Variants in OTUD5 observed in about 807,000 individuals in gnomAD.
OTUD5 encodes the protein OTU deubiquitinase 5.
A neutral mutation model predicts 36.3 loss-of-function variants in OTUD5; 2 were observed. The ratio of observed to expected loss-of-function variants is 0.06; its 90% CI spans 0.02 to 0.17. OTUD5 has a LOEUF of 0.17. Ranked by LOEUF, OTUD5 falls within the 10% of genes least tolerant of loss-of-function variation. The probability of loss-of-function intolerance (pLI) is 1.00; values close to 1 mark genes in which losing one functional copy is unlikely to be tolerated. For missense variants in OTUD5, 233 were observed against 512.3 expected, an observed-to-expected ratio of 0.45 and a Z score of 5.26; for synonymous variants, 234 against 214.9, an observed-to-expected ratio of 1.09 and a Z score of -0.78.
chrX:48,951,029 A>G (rs1277433040), intron 1 of OTUD5, among the ~76,000 whole-genome samples: 1 of 108,557 alleles, frequency 9.2e-6, no homozygotes, highest in East Asian at 2.9e-4. Flanking sequence ...CCTGCCTACC[A>G]TCCTCCAGGG....
chrX:48,952,535 G>A (rs868952993), intron 1 of OTUD5, among the ~76,000 whole-genome samples: 1 of 112,417 alleles, frequency 8.9e-6, no homozygotes, highest in African/African-American at 3.2e-5. Flanking sequence ...CAAGGACGCT[G>A]AACACTGCTT....
At chrX:48,947,300 G>A (rs1367816116) in intron 1 of OTUD5, among the ~76,000 whole-genome samples, 3 of 110,602 alleles carry the variant, frequency 2.7e-5, no homozygotes, top group Admixed American at 9.6e-5. Flanking sequence ...GAGAAGAATC[G>A]CTTGAACCTG....
In OTUD5 at chrX:48,957,257, C is replaced by G. The variant is rs782695409; in HGVS notation, c.314G>C (p.Gly105Ala). ...PQQASPPPCG[G>A]PGGPGGGPGD... ...GGGACCGCCGCCGGGACCACCTGGG[C>G]CCCCGCAAGGAGGTGGAGAAGCCTG... Residue 105 changes from glycine (G) to alanine (A), a missense_variant, in exon 1 of 9, where the codon GGC (glycine) becomes GCC (alanine). Gly to Ala is a moderately conservative substitution (Grantham distance 60). Coordinates refer to ENST00000376488, the MANE Select transcript of OTUD5 (RefSeq NM_001136157.2). The G allele has an allele frequency of 2.0e-4, 224 of 1,099,551 alleles. 2 individuals carry two copies. Among genetic ancestry groups the G allele is most frequent in the Non-Finnish European group, 4.9e-5 (42 of 850,052 alleles). The allele number at this position is 1,099,551 out of a possible 1,213,427, so 90.6% of individuals were successfully genotyped here.
intron 2 of OTUD5, among the ~76,000 whole-genome samples, chrX:48,942,299 TACACACACACACACACAC>T (rs61325018): frequency 1.8e-5 from 1 of 55,018 alleles, no homozygotes; most frequent in African/African-American, 6.9e-5. Flanking sequence ...GCTAGCTAGA[TACACACACACACACACAC>T]ACACACACAC....
At position 48,935,111 on chromosome X, in the gene OTUD5, G is replaced by C. The variant is rs889255146; in HGVS notation, c.689-93C>G. On this transcript the variant is annotated intron_variant, in intron 2 of 8. Transcript: ENST00000376488. ...ATCCTTTGGGGAGGAGGAACTGGGG[G>C]ACCAGGGAAATTCCCTTTTCTACCC... 2.0e-5 allele frequency: 17 copies of C among 870,858 alleles called. No individual in the cohort carries two copies. The African/African-American group carries it at 3.2e-4, about 16-fold the overall frequency. 71.8% of individuals were successfully genotyped at this position (870,858 alleles called of 1,213,427 possible).
chrX:48,946,312 A>G (rs2064028781), intron 1 of OTUD5, among the ~76,000 whole-genome samples: 1 of 112,041 alleles, frequency 8.9e-6, no homozygotes, highest in Non-Finnish European at 1.9e-5. Context: ...GAGGAGTTTC[A>G]GGACCTAAAG....
At chrX:48,936,522 C>T (rs1204103989) in intron 2 of OTUD5, among the ~76,000 whole-genome samples, 3 of 111,368 alleles carry the variant, frequency 2.7e-5, no homozygotes, top group Middle Eastern at 4.2e-3. Context: ...GCCTGGATTA[C>T]AGGTGTGAGC....
At position 48,954,509 on chromosome X, in the gene OTUD5, C is replaced by T. The variant is rs1036031450; in HGVS notation, c.594+2468G>A. ...TAGAGGAGGAAAGAAACTACCCAACCAGAGAGAGAAGAAATAACTGGTCCT... is the reference window on the plus strand; with the variant it reads ...TAGAGGAGGAAAGAAACTACCCAACTAGAGAGAGAAGAAATAACTGGTCCT... On this transcript the variant is annotated intron_variant, in intron 1 of 8. Transcript: ENST00000376488. 2.7e-5 allele frequency among the ~76,000 whole-genome samples: 3 copies of T among 111,328 alleles called. No individual in the cohort carries two copies. The East Asian group carries it at 8.5e-4, about 31-fold the overall frequency.
intron 1 of OTUD5, among the ~76,000 whole-genome samples, chrX:48,949,651 C>A (rs2147661060): frequency 9.0e-6 from 1 of 110,938 alleles, no homozygotes; most frequent in Non-Finnish European, 1.9e-5. Flanking sequence ...GCACTCCAGC[C>A]TGGGTGACAC....
chrX:48,932,161 GATAATAATAATAATAATAATA>G (rs781824408), intron 5 of OTUD5, among the ~76,000 whole-genome samples: 1 of 88,822 alleles, frequency 1.1e-5, no homozygotes, highest in Non-Finnish European at 2.2e-5. Context: ...AAAAAAAGAT[GATAATAATAATAATAATAATA>G]ATAATAATAA....
At chrX:48,948,692 T>C (rs1333155849) in intron 1 of OTUD5, among the ~76,000 whole-genome samples, 1 of 109,519 alleles carries the variant, frequency 9.1e-6, no homozygotes. Flanking sequence ...CTTTCTCCTT[T>C]TGGGGAGAAA....
intron 5 of OTUD5, among the ~76,000 whole-genome samples, chrX:48,927,552 T>C (rs1274403484): frequency 2.7e-5 from 3 of 111,676 alleles, no homozygotes; most frequent in African/African-American, 9.8e-5. Context: ...CAGTTTATTA[T>C]AGAGAAAATT....
At chrX:48,952,453 G>A (rs1557054168) in intron 1 of OTUD5, among the ~76,000 whole-genome samples, 4 of 112,412 alleles carry the variant, frequency 3.6e-5, no homozygotes, top group African/African-American at 1.3e-4. Flanking sequence ...TCAAAGAGGT[G>A]AATAGTATGG....
rs782105843 is a variant in OTUD5 at position 48,957,236 on chromosome X, C to G, written c.335G>C (p.Gly112Ala). 85 of 1,091,667 alleles carry G rather than the reference C, an allele frequency of 7.8e-5. No homozygotes were observed. In the African/African-American group the frequency reaches 1.6e-3, roughly 20 times the overall value. The allele number at this position is 1,091,667 out of a possible 1,213,427, so 90.0% of individuals were successfully genotyped here. ...PCGGPGGPGG[G>A]PGDALGAAAA... ...CGCTGCGCCCAGCGCGTCGCCGGGA[C>G]CGCCGCCGGGACCACCTGGGCCCCC... Residue 112 changes from glycine (G) to alanine (A), a missense_variant, in exon 1 of 9, where the codon GGT (glycine) becomes GCT (alanine). Physicochemically the swap from Gly to Ala is moderately conservative, Grantham distance 60. Around this residue, in one of 3 missense-constraint regions of OTUD5, gnomAD observed 155 missense variants for 217.2 expected, o/e 0.71. Coordinates refer to ENST00000376488, the MANE Select transcript of OTUD5 (RefSeq NM_001136157.2).
Position 48,922,261 on chromosome X carries a change from T to C in OTUD5, c.*913A>G, listed in dbSNP as rs1259910037. 1 of 111,831 alleles carries C rather than the reference T, an allele frequency of 8.9e-6. No individual in the cohort carries two copies. Among genetic ancestry groups the C allele is most frequent in the Non-Finnish European group, 1.9e-5 (1 of 53,120 alleles). 9.2% of individuals were successfully genotyped at this position (111,831 alleles called of 1,213,427 possible). ...CCAAGGACATTACAGATGGCGGATC[T>C]TGTCAACACCTGCAGGGCACGGGTG... On this transcript the variant is annotated 3_prime_UTR_variant, in exon 9 of 9. Coordinates refer to ENST00000376488, the MANE Select transcript of OTUD5 (RefSeq NM_001136157.2).
At chrX:48,951,205 G>GC (rs1557053768) in intron 1 of OTUD5, among the ~76,000 whole-genome samples, 1 of 111,585 alleles carries the variant, frequency 9.0e-6, no homozygotes, top group African/African-American at 3.3e-5. Context: ...TCTTCCCAGA[G>GC]CCTATGGTCA....
chrX:48,944,839 A>G (rs1230557448), intron 1 of OTUD5, among the ~76,000 whole-genome samples: 1 of 111,676 alleles, frequency 9.0e-6, no homozygotes, highest in Non-Finnish European at 1.9e-5. Context: ...CCTGACCAAC[A>G]TGGAGAAACC....
At position 48,924,014 on chromosome X, in the gene OTUD5, T is replaced by A. The variant is rs1557047103; in HGVS notation, c.1302A>T (p.Ala434=). 8.3e-7 allele frequency: 1 copy of A among 1,208,257 alleles called. No individual in the cohort carries two copies. ...ACTCCTCCAGGCCACTGGAGGCTGCTGCTGTGGCCGAACTGCATGTGGCGC... is the reference window on the plus strand; with the variant it reads ...ACTCCTCCAGGCCACTGGAGGCTGCAGCTGTGGCCGAACTGCATGTGGCGC... ...KASATCSSAT[A]AASSGLEEWT... Residue 434 remains alanine (A), a synonymous_variant, in exon 7 of 9, where the codon GCA becomes GCT. Coordinates refer to ENST00000376488, the MANE Select transcript of OTUD5 (RefSeq NM_001136157.2).
At chrX:48,932,050 G>A (rs1370916538) in intron 5 of OTUD5, among the ~76,000 whole-genome samples, 1 of 106,003 alleles carries the variant, frequency 9.4e-6, no homozygotes, top group Non-Finnish European at 1.9e-5. Flanking sequence ...TCGGGAGGCT[G>A]AGGCAAGAGA....
Sources: gnomAD v4.1 joint callset for allele counts (sites outside exome capture counted in the v4.1 genomes callset) on GRCh38, gnomAD v4.1.1 for gene constraint, gnomAD v4.1.1 regional missense constraint, MANE v1.5 for transcripts, NCBI Gene and HGNC (gene_info 2026-07-23, HGNC 2026-07-21) for gene names.